Variants in CCDC9B observed in about 807,000 individuals in gnomAD.
CCDC9B encodes coiled-coil domain-containing protein 9B.
In CCDC9B, 40 loss-of-function variants were observed where a neutral mutation model predicts 47.2. That is an observed-to-expected ratio of 0.85 (90% CI 0.66 to 1.10). The LOEUF is 1.10. Among genes scored for constraint, CCDC9B ranks in the 50% least tolerant of loss-of-function variants. The pLI, the probability that CCDC9B is intolerant of heterozygous loss-of-function variation, is 0.00. For synonymous variants in CCDC9B, 238 were observed against 250.7 expected (o/e 0.95, Z 0.48); for missense variants, 662 against 651.0 (o/e 1.02, Z -0.18).
At position 40,338,803 on chromosome 15, in the gene CCDC9B, G is replaced by C. The variant is rs1218976131; in HGVS notation, c.332C>G (p.Thr111Ser). 3 of 1,614,030 alleles carry C rather than the reference G, an allele frequency of 1.9e-6. No homozygotes were observed. The highest frequency in any genetic ancestry group is 2.7e-5 in the African/African-American group (2 of 74,922). ...CTCCACCAGCTCCCCTAAGCAGAAA[G>C]TACCCCCGTGGTCCTCAGCATCCTC... ...EDEDAEDHGGTFCLGELVELA... is the reference protein window; with the variant it reads ...EDEDAEDHGGSFCLGELVELA... The change falls in exon 4 of 11, where the codon ACT becomes AGT. Residue 111 changes from threonine (T) to serine (S), a missense_variant. Coordinates refer to ENST00000397536, the MANE Select transcript of CCDC9B (RefSeq NM_207380.3).
rs1359228777 is a variant in CCDC9B at position 40,339,561 on chromosome 15, G to C, written c.182C>G (p.Ala61Gly). The C allele has an allele frequency of 6.2e-7, 1 of 1,612,750 alleles. No homozygotes were observed. The highest frequency in any genetic ancestry group is 1.3e-5 in the African/African-American group (1 of 74,990). Residue 61 changes from alanine to glycine, a missense_variant, in exon 3 of 11, where the codon GCA becomes GGA. Coordinates refer to ENST00000397536, the MANE Select transcript of CCDC9B (RefSeq NM_207380.3). ...GGTGAGGCCATCAGGCTGGAGGAGTGCTGGTGTGGTCACAGCCATCCCCCC... is the reference window on the plus strand; with the variant it reads ...GGTGAGGCCATCAGGCTGGAGGAGTCCTGGTGTGGTCACAGCCATCCCCCC... ...EQGGMAVTTPALLQPDGLTVT... is the reference protein window; with the variant it reads ...EQGGMAVTTPGLLQPDGLTVT...
At chr15:40,337,521 G>A (rs550513917) in intron 6 of CCDC9B, 75 bp from the exon 7 acceptor site, 232 of 1,352,018 alleles carry the variant, frequency 1.7e-4, no homozygotes, top group Non-Finnish European at 2.1e-4. Flanking sequence ...CCCCCTCCCC[G>A]AAGCCCAGGC....
rs369415884 is a variant in CCDC9B, at chr15:40,335,110, A to C, written c.*48T>G. On this transcript the variant is annotated 3_prime_UTR_variant, in exon 11 of 11. Transcript: ENST00000397536. ...CACGCGGAGGGCCTTTAACAGAGTG[A>C]TTCCCTTTTCCTCTCCCCGGGGACT... 5.0e-5 allele frequency: 70 copies of C among 1,393,798 alleles called. No homozygotes were observed. Among genetic ancestry groups the C allele is most frequent in the Non-Finnish European group, 5.8e-5 (60 of 1,041,898 alleles). 86.3% of individuals were successfully genotyped at this position (1,393,798 alleles called of 1,614,324 possible). A position where few individuals can be genotyped will look rare whatever the true frequency, so the allele number is the denominator to read the frequency against.
chr15:40,338,263 C>T (rs1176860076), intron 5 of CCDC9B: 1 of 645,808 alleles, frequency 1.5e-6, no homozygotes, highest in African/African-American at 1.8e-5. Context: ...CCAGTCAACT[C>T]CACCCTCCTG....
At position 40,333,805 on chromosome 15, in the gene CCDC9B, C is replaced by G. The variant is rs1888902864; in HGVS notation, c.*1353G>C. 1 of 193,604 alleles carries G rather than the reference C, an allele frequency of 5.2e-6. No homozygotes were observed. The highest frequency in any genetic ancestry group is 9.4e-6 in the Non-Finnish European group (1 of 106,200). 12.0% of individuals were successfully genotyped at this position (193,604 alleles called of 1,614,324 possible). A position where few individuals can be genotyped will look rare whatever the true frequency, so the allele number is the denominator to read the frequency against. On this transcript the variant is annotated 3_prime_UTR_variant, in exon 11 of 11. Transcript: ENST00000397536. Reference sequence around the variant, plus strand: ...GGCAGTGGAGAAATCCCAGGGTGATCTGGACTCTCCCTAGAGCCCCACAGC... The same window carrying G: ...GGCAGTGGAGAAATCCCAGGGTGATGTGGACTCTCCCTAGAGCCCCACAGC...
chr15:40,335,089 C>T lies in CCDC9B; in HGVS notation c.*69G>A, dbSNP rs193099892. 3.4e-5 allele frequency: 46 copies of T among 1,368,096 alleles called. No individual in the cohort carries two copies. The African/African-American group carries it at 5.4e-4, about 16-fold the overall frequency. The allele number at this position is 1,368,096 out of a possible 1,614,324, so 84.7% of individuals were successfully genotyped here. A position where few individuals can be genotyped will look rare whatever the true frequency, so the allele number is the denominator to read the frequency against. On this transcript the variant is annotated 3_prime_UTR_variant, in exon 11 of 11. Transcript: ENST00000397536. ...CACCGGCAACCACATGGCCATCACGCGGAGGGCCTTTAACAGAGTGATTCC... is the reference window on the plus strand; with the variant it reads ...CACCGGCAACCACATGGCCATCACGTGGAGGGCCTTTAACAGAGTGATTCC...
Position 40,336,643 on chromosome 15 carries a change from C to G in CCDC9B, c.818G>C (p.Arg273Thr). ...DGKGRGGQAS[R>T]PSVAPATGSK... ...GCCTGTGGCTGGTGCCACCGAGGGT[C>G]TGCTGGCTTGCCCGCCCCGACCTGC... is the stretch of plus-strand genomic sequence containing the variant. Residue 273 changes from arginine to threonine, a missense_variant, in exon 9 of 11, where the codon AGA (arginine) becomes ACA (threonine). Coordinates refer to ENST00000397536, the MANE Select transcript of CCDC9B (RefSeq NM_207380.3). 6.2e-7 allele frequency: 1 copy of G among 1,612,942 alleles called. No individual in the cohort carries two copies. The highest frequency in any genetic ancestry group is 1.7e-5 in the Admixed American group (1 of 60,012).
Position 40,338,608 on chromosome 15 carries a change from T to A in CCDC9B, c.440A>T (p.Glu147Val), listed in dbSNP as rs1168980768. The A allele has an allele frequency of 6.2e-7, 1 of 1,614,098 alleles. No homozygotes were observed. The highest frequency in any genetic ancestry group is 8.5e-7 in the Non-Finnish European group (1 of 1,179,966). Residue 147 changes from glutamate (E) to valine (V), a missense_variant, in exon 5 of 11, where the codon GAG (glutamate) becomes GTG (valine). Transcript: ENST00000397536. ...KPTRARNQGI[E>V]GSPGGRVTRS... ...GGTCACACGCCCTCCAGGTGACCCC[T>A]CTATGCCTTGGTTCCTTGCTCTGGT...
At position 40,331,669 on chromosome 15, in the gene CCDC9B, T is replaced by G. The variant is rs181338186; in HGVS notation, c.*3489A>C. On this transcript the variant is annotated 3_prime_UTR_variant, in exon 11 of 11. Coordinates refer to ENST00000397536, the MANE Select transcript of CCDC9B (RefSeq NM_207380.3). ...TAGACTATTTTGGATACCCTTATCT[T>G]TAATTTTCTCAGCAACCCTTCAAAA... 6.7e-4 allele frequency: 102 copies of G among 152,628 alleles called. No individual in the cohort carries two copies. The highest frequency in any genetic ancestry group is 2.2e-3 in the African/African-American group (92 of 41,544). 9.5% of individuals were successfully genotyped at this position (152,628 alleles called of 1,614,324 possible). A position where few individuals can be genotyped will look rare whatever the true frequency, so the allele number is the denominator to read the frequency against.
chr15:40,340,803 C>T lies in CCDC9B; in HGVS notation c.12+5G>A. On this transcript the variant is annotated splice_donor_5th_base_variant and intron_variant, in intron 1 of 10. Transcript: ENST00000397536. ...GCCCCCTGCCAAAGGCAGACTGCCA[C>T]TCACAGCCGAGTGCATGGCAACGGC... is the stretch of plus-strand genomic sequence containing the variant. The T allele has an allele frequency of 6.2e-7, 1 of 1,607,894 alleles. No homozygotes were observed. Among genetic ancestry groups the T allele is most frequent in the Non-Finnish European group, 8.5e-7 (1 of 1,177,964 alleles).
chr15:40,335,505 G>A lies in CCDC9B; in HGVS notation c.1126C>T (p.Leu376Phe). 6.4e-7 allele frequency: 1 copy of A among 1,567,608 alleles called. No homozygotes were observed. The highest frequency in any genetic ancestry group is 8.7e-7 in the Non-Finnish European group (1 of 1,154,232). Residue 376 changes from leucine to phenylalanine, a missense_variant, in exon 11 of 11, where the codon CTT becomes TTT. Transcript: ENST00000397536. ...CCAGCCCCTCCTAGGGAGAGGTCAA[G>A]AGGAGCCAAGTCAGGCTCCTGTGGA... Reference protein sequence around the residue: ...CSPQEPDLAPLDLSLGGAGIP... With the variant: ...CSPQEPDLAPFDLSLGGAGIP...
rs1888900242 is a variant in CCDC9B, at chr15:40,333,671, C to G, written c.*1487G>C. 4.5e-6 allele frequency: 1 copy of G among 220,588 alleles called. No individual in the cohort carries two copies. The highest frequency in any genetic ancestry group is 7.6e-6 in the Non-Finnish European group (1 of 132,296). The allele number at this position is 220,588 out of a possible 1,614,324, so 13.7% of individuals were successfully genotyped here. A position where few individuals can be genotyped will look rare whatever the true frequency, so the allele number is the denominator to read the frequency against. ...TATGAGAGACACTTCTCAAAACAGT[C>G]TGGTCTGCTAAAGAGATGCCCCTCA... On this transcript the variant is annotated 3_prime_UTR_variant, in exon 11 of 11. Coordinates refer to ENST00000397536, the MANE Select transcript of CCDC9B (RefSeq NM_207380.3).
rs1888966551 is a variant in CCDC9B at position 40,336,671 on chromosome 15, G to T, written c.797-7C>A. On this transcript the variant is annotated splice_polypyrimidine_tract_variant and splice_region_variant and intron_variant, in intron 8 of 10. Transcript: ENST00000397536. The stretch of plus-strand genomic sequence containing the variant: ...CTGGCTTGCCCGCCCCGACCTGCAA[G>T]AGATGGTCGGCCAAGGAGAGAAGAG... 1 of 1,611,408 alleles carries T rather than the reference G, an allele frequency of 6.2e-7. No homozygotes were observed. Among genetic ancestry groups the T allele is most frequent in the Non-Finnish European group, 8.5e-7 (1 of 1,178,014 alleles).
chr15:40,337,355 A>G, intron 7 of CCDC9B, 33 bp downstream of exon 7: 1 of 1,601,852 alleles, frequency 6.2e-7, no homozygotes, highest in Non-Finnish European at 8.6e-7. Flanking sequence ...AACAAAGCCA[A>G]GGAGGGGAGG....
Position 40,338,866 on chromosome 15 carries a change from G to A in CCDC9B, c.269C>T (p.Thr90Ile). 6.2e-7 allele frequency: 1 copy of A among 1,614,054 alleles called. No individual in the cohort carries two copies. The highest frequency in any genetic ancestry group is 2.2e-5 in the East Asian group (1 of 44,882). The change falls in exon 4 of 11, where the codon ACC (threonine) becomes ATC (isoleucine). Residue 90 changes from threonine to isoleucine, a missense_variant. Thr to Ile is a moderately conservative substitution (Grantham distance 89). Coordinates refer to ENST00000397536, the MANE Select transcript of CCDC9B (RefSeq NM_207380.3). Reference sequence around the variant, plus strand: ...CTCGTTGGTCACTCTGGGTCCACAGGTACCCCTTGCCCAGTTCCTGCTAAC... The same window carrying A: ...CTCGTTGGTCACTCTGGGTCCACAGATACCCCTTGCCCAGTTCCTGCTAAC... ...RVVSRNWARG[T>I]CGPRVTNEML...
rs1398925058 is a variant in CCDC9B, at chr15:40,337,459, A to G, written c.684-13T>C. The G allele has an allele frequency of 1.9e-6, 3 of 1,543,310 alleles. No homozygotes were observed. Among genetic ancestry groups the G allele is most frequent in the Non-Finnish European group, 8.7e-7 (1 of 1,146,950 alleles). On this transcript the variant is annotated splice_polypyrimidine_tract_variant and intron_variant, in intron 6 of 10. Transcript: ENST00000397536. ...GCAGTCCTGTAGCCTGTGTAGACAG[A>G]GGGAGTCAGGTTGCTGGTGCACAGA...
rs1345259734 is a variant in CCDC9B, at chr15:40,339,535, C to T, written c.208G>A (p.Val70Ile). Residue 70 changes from valine to isoleucine, a missense_variant, in exon 3 of 11, where the codon GTT becomes ATT. Physicochemically the swap from Val to Ile is conservative, Grantham distance 29. Coordinates refer to ENST00000397536, the MANE Select transcript of CCDC9B (RefSeq NM_207380.3). ...PALLQPDGLTVTISQVPGEKR... is the reference protein window; with the variant it reads ...PALLQPDGLTITISQVPGEKR... The stretch of plus-strand genomic sequence containing the variant: ...ACACCGGGAACCTGGCTGATGGTAA[C>T]GGTGAGGCCATCAGGCTGGAGGAGT... The T allele has an allele frequency of 1.8e-5, 29 of 1,613,652 alleles. No homozygotes were observed. The highest frequency in any genetic ancestry group is 2.2e-5 in the South Asian group (2 of 91,084).
chr15:40,339,884 G>T (rs1199845972), intron 2 of CCDC9B, 21 bp downstream of exon 2: 3 of 1,575,102 alleles, frequency 1.9e-6, no homozygotes, highest in Admixed American at 1.7e-5. Flanking sequence ...GTTTCTCCTG[G>T]CCCTGTGGCA....
Position 40,340,033 on chromosome 15 carries a change from C to T in CCDC9B, c.13-18G>A. 2 of 1,549,554 alleles carry T rather than the reference C, an allele frequency of 1.3e-6. No individual in the cohort carries two copies. The highest frequency in any genetic ancestry group is 1.8e-6 in the Non-Finnish European group (2 of 1,125,972). ...GGAGTTCCCTGCAGAGGCAGGGAAC[C>T]CAAGCTCCTGACTTCCGGGTCCCCC... On this transcript the variant is annotated intron_variant, in intron 1 of 10. Transcript: ENST00000397536.
Sources: allele counts gnomAD v4.1 joint callset, GRCh38; gene constraint gnomAD v4.1.1; transcripts MANE v1.5; gene names NCBI Gene and HGNC (gene_info 2026-07-23, HGNC 2026-07-21).